Variants in BTC observed in about 807,000 individuals in gnomAD.
The protein encoded by BTC is probetacellulin.
A neutral mutation model predicts 18.1 loss-of-function variants in BTC; 13 were observed. That is an observed-to-expected ratio of 0.72 (90% CI 0.47 to 1.14). The LOEUF (loss-of-function observed/expected upper bound fraction) is 1.14. Ranked by LOEUF, BTC falls within the 50% of genes most tolerant of loss-of-function variation. The pLI is 0.00. For missense variants in BTC, 247 were observed against 224.2 expected (o/e 1.10, Z -0.65); for synonymous variants, 83 against 79.4 (o/e 1.05, Z -0.24).
In BTC at chr4:74,746,606, A is replaced by G. The variant is rs1724296991; in HGVS notation, c.*71T>C. 1 of 152,622 alleles carries G rather than the reference A, an allele frequency of 6.6e-6. No individual in the cohort carries two copies. Among genetic ancestry groups the G allele is most frequent in the Non-Finnish European group, 1.5e-5 (1 of 68,032 alleles). The allele number at this position is 152,622 out of a possible 1,614,324, so 9.5% of individuals were successfully genotyped here. Reference sequence around the variant, plus strand: ...TCTACTAGCTGTTTTCCTGAGACACATTCTGTCCATTTTCAAATGAGCAAG... The same window carrying G: ...TCTACTAGCTGTTTTCCTGAGACACGTTCTGTCCATTTTCAAATGAGCAAG... On this transcript the variant is annotated 3_prime_UTR_variant, in exon 6 of 6. Coordinates refer to ENST00000395743, the MANE Select transcript of BTC (RefSeq NM_001729.4).
At chr4:74,790,797 C>A (rs1490493541) in intron 1 of BTC, among the ~76,000 whole-genome samples, 1 of 152,134 alleles carries the variant, frequency 6.6e-6, no homozygotes. Context: ...GCTAGCCTGG[C>A]CCTGAGCTAG....
intron 1 of BTC, among the ~76,000 whole-genome samples, chr4:74,790,282 G>A (rs1218827990): frequency 1.3e-5 from 2 of 152,208 alleles, no homozygotes; most frequent in Admixed American, 1.3e-4. Context: ...AATAACTCAT[G>A]CTTATTCTAT....
chr4:74,789,884 T>G (rs1451278265), intron 1 of BTC, among the ~76,000 whole-genome samples: 1 of 152,218 alleles, frequency 6.6e-6, no homozygotes, highest in Non-Finnish European at 1.5e-5. Flanking sequence ...CAGTCTAACT[T>G]CTGTGTCTGA....
chr4:74,751,497 A>G (rs1467231718), intron 3 of BTC, among the ~76,000 whole-genome samples: 1 of 151,816 alleles, frequency 6.6e-6, no homozygotes, highest in Non-Finnish European at 1.5e-5. Flanking sequence ...CCTTTTTTCC[A>G]TGGCCTTCTT....
intron 2 of BTC, among the ~76,000 whole-genome samples, chr4:74,760,366 G>T (rs1724720269): frequency 6.6e-6 from 1 of 152,202 alleles, no homozygotes; most frequent in South Asian, 2.1e-4. Context: ...AGGAAGTAGA[G>T]CCTAGGGCTT....
chr4:74,780,856 T>C (rs1314445540), intron 1 of BTC, among the ~76,000 whole-genome samples: 1 of 151,754 alleles, frequency 6.6e-6, no homozygotes, highest in East Asian at 1.9e-4. Flanking sequence ...CCAAGTGGCC[T>C]GAGTCTTCTG....
chr4:74,781,416 T>TGTGTGTGTGC (rs1194959670), intron 1 of BTC, among the ~76,000 whole-genome samples: 4 of 151,200 alleles, frequency 2.6e-5, no homozygotes, highest in African/African-American at 9.8e-5. Context: ...TGTGTGTGTG[T>TGTGTGTGTGC]GGCTTCAGTT....
rs938025792 is a variant in BTC at position 74,794,452 on chromosome 4, A to G, written c.-127T>C. The G allele has an allele frequency of 8.3e-6, 9 of 1,086,762 alleles. No individual in the cohort carries two copies. The African/African-American group carries it at 1.5e-4, about 18-fold the overall frequency. 67.3% of individuals were successfully genotyped at this position (1,086,762 alleles called of 1,614,324 possible). A position where few individuals can be genotyped will look rare whatever the true frequency, so the allele number is the denominator to read the frequency against. On this transcript the variant is annotated 5_prime_UTR_variant, in exon 1 of 6. Transcript: ENST00000395743. ...CCCGGAGGCAGAAGGAAACGAAACT[A>G]CTTCCCAGGCTGGCACCCTGGCTAC...
intron 1 of BTC, among the ~76,000 whole-genome samples, chr4:74,791,665 T>C (rs1222415878): frequency 1.3e-5 from 2 of 152,210 alleles, no homozygotes; most frequent in Non-Finnish European, 2.9e-5. Flanking sequence ...AATTTGCATA[T>C]GTTAGAATGG....
chr4:74,750,742 G>T, intron 3 of BTC, 23 bp from the exon 4 acceptor site: 1 of 1,602,808 alleles, frequency 6.2e-7, no homozygotes, highest in Non-Finnish European at 8.5e-7. Context: ...ACGAGGGCAA[G>T]GAAGTAAAAC....
intron 3 of BTC, among the ~76,000 whole-genome samples, chr4:74,753,253 T>A (rs542075817): frequency 1.6e-4 from 24 of 152,346 alleles, no homozygotes; most frequent in Admixed American, 1.4e-3. Context: ...GGATCACTAT[T>A]CTGAAATAAC....
At chr4:74,772,429 T>A (rs1042030359) in intron 1 of BTC, among the ~76,000 whole-genome samples, 2 of 152,186 alleles carry the variant, frequency 1.3e-5, no homozygotes, top group Non-Finnish European at 2.9e-5. Context: ...ATCTTTGTAA[T>A]CCTGGTGCCT....
At chr4:74,760,016 A>G (rs556334468) in intron 2 of BTC, among the ~76,000 whole-genome samples, 1 of 152,232 alleles carries the variant, frequency 6.6e-6, no homozygotes, top group African/African-American at 2.4e-5. Context: ...TTCAGAGTAG[A>G]TCCGTTAGGT....
intron 4 of BTC, among the ~76,000 whole-genome samples, chr4:74,748,494 C>G (rs1553955729): frequency 6.6e-6 from 1 of 152,092 alleles, no homozygotes; most frequent in South Asian, 2.1e-4. Context: ...CGAGATTGCG[C>G]CACTGCACTC....
At chr4:74,794,137 A>G in intron 1 of BTC, 125 bp downstream of exon 1, 1 of 1,267,668 alleles carries the variant, frequency 7.9e-7, no homozygotes, top group Middle Eastern at 2.6e-4. Flanking sequence ...AAGTTCTCCA[A>G]CCCGCGCCTG....
intron 1 of BTC, among the ~76,000 whole-genome samples, chr4:74,780,767 AAC>A (rs2109912343): frequency 6.6e-6 from 1 of 152,228 alleles, no homozygotes; most frequent in East Asian, 1.9e-4. Context: ...ACCATAAGAG[AAC>A]ACAGTTACTG....
intron 2 of BTC, among the ~76,000 whole-genome samples, chr4:74,766,367 G>T (rs1724903715): frequency 1.3e-5 from 2 of 152,012 alleles, no homozygotes; most frequent in Admixed American, 1.3e-4. Flanking sequence ...TGTAATAGCA[G>T]CTGAAAACAC....
chr4:74,772,293 T>A (rs2109902542), intron 1 of BTC, among the ~76,000 whole-genome samples: 2 of 152,304 alleles, frequency 1.3e-5, no homozygotes. Flanking sequence ...GAATTGCAAT[T>A]TGGCTACCAA....
chr4:74,785,639 A>G (rs1048438682), intron 1 of BTC, among the ~76,000 whole-genome samples: 1 of 152,126 alleles, frequency 6.6e-6, no homozygotes, highest in African/African-American at 2.4e-5. Flanking sequence ...TAAACTTTTT[A>G]TTTTGGAACA....
Sources: allele counts gnomAD v4.1 joint callset (sites outside exome capture counted in the v4.1 genomes callset), GRCh38; gene constraint gnomAD v4.1.1; transcripts MANE v1.5; gene names NCBI Gene and HGNC (gene_info 2026-07-23, HGNC 2026-07-21).